The following PRKAR2A variants were observed in gnomAD, a reference collection of about 807,000 sequenced individuals.
PRKAR2A encodes the protein cAMP-dependent protein kinase type II-alpha regulatory subunit.
In PRKAR2A, 29 loss-of-function variants were observed where a neutral mutation model predicts 51.9. The ratio of observed to expected loss-of-function variants is 0.56; its 90% confidence interval spans 0.42 to 0.76. The LOEUF is 0.76. Among genes scored for constraint, PRKAR2A ranks in the 30% least tolerant of loss-of-function variants. PRKAR2A has a pLI of 0.00. For synonymous variants in PRKAR2A, 178 were observed against 186.2 expected (o/e 0.96, Z 0.36); for missense variants, 445 against 512.1 (o/e 0.87, Z 1.26).
intron 1 of PRKAR2A, among the ~76,000 whole-genome samples, chr3:48,808,572 A>G (rs2082718429): frequency 8.0e-6 from 1 of 125,470 alleles, no homozygotes; most frequent in Non-Finnish European, 1.7e-5. Flanking sequence ...TTAGAGATGG[A>G]GTTTCATCAT....
chr3:48,833,710 C>CA (rs749720008), intron 1 of PRKAR2A, among the ~76,000 whole-genome samples: 221 of 88,462 alleles, frequency 2.5e-3, no homozygotes, highest in East Asian at 0.01. Context: ...GACTTGGTCT[C>CA]AAAAAAAAAA....
downstream of PRKAR2A, among the ~76,000 whole-genome samples, chr3:48,746,204 A>T (rs1296374244): frequency 2.0e-5 from 3 of 151,980 alleles, no homozygotes; most frequent in African/African-American, 7.3e-5. Context: ...TAACTGTGTG[A>T]GCCAATTCCT....
intron 1 of PRKAR2A, among the ~76,000 whole-genome samples, chr3:48,819,273 C>A (rs1033856488): frequency 1.3e-5 from 2 of 152,236 alleles, no homozygotes; most frequent in African/African-American, 2.4e-5. Flanking sequence ...GCCTTGACCT[C>A]CCAAAGTGCT....
At chr3:48,846,207 T>G (rs1255985598) in intron 1 of PRKAR2A, among the ~76,000 whole-genome samples, 1 of 124,542 alleles carries the variant, frequency 8.0e-6, no homozygotes, top group Non-Finnish European at 1.6e-5. Flanking sequence ...AGTTACTGGG[T>G]TTTTCCTTTT....
chr3:48,809,930 A>G (rs1159785298), intron 1 of PRKAR2A, among the ~76,000 whole-genome samples: 1 of 152,004 alleles, frequency 6.6e-6, no homozygotes, highest in Non-Finnish European at 1.5e-5. Context: ...TTCATTAACA[A>G]TTCCATCTGT....
At chr3:48,761,021 C>T (rs1223973763) in intron 8 of PRKAR2A, among the ~76,000 whole-genome samples, 1 of 151,944 alleles carries the variant, frequency 6.6e-6, no homozygotes, top group Non-Finnish European at 1.5e-5. Flanking sequence ...CAGTGGCTCA[C>T]ACCTGTAATC....
rs1034168067 is a variant in PRKAR2A, at chr3:48,807,683, A to C, written c.264T>G (p.Val88=). ...SESEEDEDLE[V]PVPSRFNRRV... is the part of the protein sequence containing the mutation. ...GTCTATTAAATCTGCTAGGAACTGG[A>C]ACTGCAAAATAAAGAAGCAACATTT... The change falls in exon 2 of 11, where the codon GTT becomes GTG. Residue 88 remains valine (V), a splice_region_variant and synonymous_variant. Coordinates refer to ENST00000265563, the MANE Select transcript of PRKAR2A (RefSeq NM_004157.4). 1.2e-6 allele frequency: 2 copies of C among 1,605,058 alleles called. No homozygotes were observed. The highest frequency in any genetic ancestry group is 3.4e-5 in the Admixed American group (2 of 59,646).
chr3:48,780,705 GA>G (rs2082181417), intron 5 of PRKAR2A, among the ~76,000 whole-genome samples: 2 of 150,762 alleles, frequency 1.3e-5, no homozygotes. Context: ...TTCTGTTCAA[GA>G]ATCTAAATAA....
At chr3:48,792,763 T>C (rs2082412438) in intron 3 of PRKAR2A, among the ~76,000 whole-genome samples, 1 of 152,090 alleles carries the variant, frequency 6.6e-6, no homozygotes, top group Non-Finnish European at 1.5e-5. Flanking sequence ...ACCCAACCTA[T>C]AACATCAATC....
chr3:48,824,220 G>A (rs1048464407), intron 1 of PRKAR2A, among the ~76,000 whole-genome samples: 3 of 151,960 alleles, frequency 2.0e-5, no homozygotes, highest in Admixed American at 6.6e-5. Flanking sequence ...CAGCCTGGAC[G>A]ACAAGAGCAA....
chr3:48,832,680 A>C (rs1164601903), intron 1 of PRKAR2A, among the ~76,000 whole-genome samples: 1 of 151,750 alleles, frequency 6.6e-6, no homozygotes, highest in Non-Finnish European at 1.5e-5. Flanking sequence ...TTTTTTTTTA[A>C]TTTTTTAAGC....
intron 1 of PRKAR2A, among the ~76,000 whole-genome samples, chr3:48,831,935 C>T (rs1202816156): frequency 3.9e-5 from 6 of 152,068 alleles, no homozygotes; most frequent in Non-Finnish European, 4.4e-5. Context: ...AATCTTCATC[C>T]GAATTTCTAC....
At chr3:48,821,259 C>T (rs559599861) in intron 1 of PRKAR2A, among the ~76,000 whole-genome samples, 13 of 152,284 alleles carry the variant, frequency 8.5e-5, no homozygotes, top group South Asian at 4.1e-4. Context: ...ACTCTAGGAA[C>T]ACCAGCTATC....
intron 1 of PRKAR2A, among the ~76,000 whole-genome samples, chr3:48,817,332 TAAATAAA>T (rs1284949219): frequency 1.4e-3 from 23 of 15,878 alleles, no homozygotes; most frequent in African/African-American, 3.6e-3. Flanking sequence ...TCTCAATAAA[TAAATAAA>T]TAAATAAATA....
Position 48,751,572 on chromosome 3 carries a change from G to C in PRKAR2A, c.*13C>G. ...TTGGTGTCACACTAAGAAGGCTCTGGGGTGTGGCACACCTACTGCCCGAGG... is the reference window on the plus strand; with the variant it reads ...TTGGTGTCACACTAAGAAGGCTCTGCGGTGTGGCACACCTACTGCCCGAGG... On this transcript the variant is annotated 3_prime_UTR_variant, in exon 11 of 11. Coordinates refer to ENST00000265563, the MANE Select transcript of PRKAR2A (RefSeq NM_004157.4). The C allele has an allele frequency of 6.2e-7, 1 of 1,609,606 alleles. No homozygotes were observed.
intron 4 of PRKAR2A, among the ~76,000 whole-genome samples, chr3:48,788,855 G>C (rs116615180): frequency 5.9e-5 from 9 of 152,218 alleles, no homozygotes; most frequent in African/African-American, 2.2e-4. Flanking sequence ...CCAGGTTACA[G>C]TATTTTGTTA....
chr3:48,801,911 T>C (rs770064094), intron 2 of PRKAR2A, among the ~76,000 whole-genome samples: 33 of 151,850 alleles, frequency 2.2e-4, no homozygotes, highest in Non-Finnish European at 4.3e-4. Context: ...TATTTATTTA[T>C]TTATTTAATT....
chr3:48,777,937 A>G (rs1476914256), intron 5 of PRKAR2A, among the ~76,000 whole-genome samples: 1 of 152,198 alleles, frequency 6.6e-6, no homozygotes, highest in Non-Finnish European at 1.5e-5. Flanking sequence ...TCCAGACACT[A>G]GCATTTAACT....
intron 5 of PRKAR2A, among the ~76,000 whole-genome samples, chr3:48,779,943 C>T (rs541721810): frequency 1.1e-4 from 16 of 151,496 alleles, no homozygotes; most frequent in South Asian, 1.0e-3. Context: ...GGGTGGATCA[C>T]GAGGTCAAGA....
Sources: gnomAD v4.1 joint callset for allele counts (sites outside exome capture counted in the v4.1 genomes callset) on GRCh38, gnomAD v4.1.1 for gene constraint, MANE v1.5 for transcripts, NCBI Gene and HGNC (gene_info 2026-07-23, HGNC 2026-07-21) for gene names.